Variants in SRPK2 observed in about 807,000 individuals in gnomAD.
SRPK2 encodes SRSF protein kinase 2.
SRPK2 carries 21 observed loss-of-function variants against 90.8 expected under a neutral mutation model. The ratio of observed to expected loss-of-function variants is 0.23; its 90% CI spans 0.16 to 0.33. The LOEUF (loss-of-function observed/expected upper bound fraction) is 0.33. Ranked by LOEUF, SRPK2 falls within the 10% of genes least tolerant of loss-of-function variation. SRPK2 has a pLI of 1.00. For missense variants in SRPK2, 620 were observed against 869.0 expected (o/e 0.71, Z 3.60); for synonymous variants, 288 against 311.1 (o/e 0.93, Z 0.78).
chr7:105,193,821 A>G (rs538352758), intron 3 of SRPK2, among the ~76,000 whole-genome samples: 111 of 152,372 alleles, frequency 7.3e-4, no homozygotes, highest in Non-Finnish European at 7.8e-4. Flanking sequence ...AAACCCTACA[A>G]TCCAGATGTA....
chr7:105,391,555 A>C (rs1345605780), upstream of SRPK2, among the ~76,000 whole-genome samples: 1 of 152,126 alleles, frequency 6.6e-6, no homozygotes, highest in East Asian at 1.9e-4. Flanking sequence ...TCACAAGTGT[A>C]ATCTCAGCAT....
At chr7:105,209,001 A>G (rs923940216) in intron 2 of SRPK2, among the ~76,000 whole-genome samples, 1 of 152,052 alleles carries the variant, frequency 6.6e-6, no homozygotes, top group South Asian at 2.1e-4. Context: ...GAAAACCCCA[A>G]TACAGCTATA....
intron 2 of SRPK2, chr7:105,244,869 A>G: frequency 7.9e-7 from 1 of 1,271,428 alleles, no homozygotes; most frequent in South Asian, 1.2e-5. Context: ...CCTCAAGTTC[A>G]TCAAGAAAAG....
chr7:105,367,999 T>C (rs1035732605), intron 2 of SRPK2, among the ~76,000 whole-genome samples: 1 of 152,126 alleles, frequency 6.6e-6, no homozygotes, highest in Non-Finnish European at 1.5e-5. Flanking sequence ...GATTTAAAAC[T>C]TAAGGAGAGT....
In SRPK2 at chr7:105,209,143, A is replaced by G. The variant is rs151279385; in HGVS notation, c.72-5358T>C. Among the ~76,000 whole-genome samples the G allele has an allele frequency of 3.1e-3, 477 of 152,358 alleles. 1 individual carries two copies. Among genetic ancestry groups the G allele is most frequent in the African/African-American group, 0.011 (450 of 41,588 alleles). On this transcript the variant is annotated intron_variant, in intron 2 of 15. Transcript: ENST00000393651. Reference sequence around the variant, plus strand: ...AAGCTCAGCTACATTCAGAGTGAAAATTAATCTGTAATTCTTTAAAAAGGA... The same window carrying G: ...AAGCTCAGCTACATTCAGAGTGAAAGTTAATCTGTAATTCTTTAAAAAGGA...
At chr7:105,160,182 A>C (rs1388705334) in intron 7 of SRPK2, 1 of 170,102 alleles carries the variant, frequency 5.9e-6, no homozygotes. Flanking sequence ...ATTACTTCCT[A>C]ATGAACTAAG....
intron 2 of SRPK2, among the ~76,000 whole-genome samples, chr7:105,315,209 T>C (rs1812184940): frequency 6.6e-6 from 1 of 152,202 alleles, no homozygotes; most frequent in African/African-American, 2.4e-5. Context: ...TTTTTCCATT[T>C]TATACTCTTC....
At chr7:105,258,609 G>A (rs999959618) in intron 2 of SRPK2, among the ~76,000 whole-genome samples, 4 of 152,072 alleles carry the variant, frequency 2.6e-5, no homozygotes, top group East Asian at 1.9e-4. Context: ...CAATATCCAC[G>A]ATGAACACTG....
intron 2 of SRPK2, among the ~76,000 whole-genome samples, chr7:105,304,687 T>A (rs1460642519): frequency 2.6e-5 from 4 of 152,190 alleles, no homozygotes; most frequent in African/African-American, 9.7e-5. Flanking sequence ...CTTAGATGAC[T>A]CAAAGAAAAA....
chr7:105,146,393 T>C (rs1007234421), intron 8 of SRPK2, 100 bp downstream of exon 8: 1 of 1,267,272 alleles, frequency 7.9e-7, no homozygotes, highest in South Asian at 1.7e-5. Context: ...TTCCAAAATC[T>C]TCCTTATGTG....
chr7:105,278,291 G>A (rs1449803106), intron 2 of SRPK2, among the ~76,000 whole-genome samples: 1 of 150,252 alleles, frequency 6.7e-6, no homozygotes, highest in African/African-American at 2.5e-5. Context: ...CTCCAGCCTG[G>A]GCGACACAGC....
chr7:105,262,505 C>T (rs1455078016), intron 2 of SRPK2, among the ~76,000 whole-genome samples: 3 of 152,174 alleles, frequency 2.0e-5, no homozygotes, highest in African/African-American at 7.2e-5. Flanking sequence ...AACCAAGCAT[C>T]TTCTTTATAT....
chr7:105,145,354 C>T (rs370437357), intron 8 of SRPK2, 46 bp from the exon 9 acceptor site: 1 of 1,437,908 alleles, frequency 7.0e-7, no homozygotes, highest in Non-Finnish European at 9.6e-7. Flanking sequence ...AAAACAGACA[C>T]ATGCCTTCAT....
In SRPK2 at chr7:105,157,099, G is replaced by T. The variant is rs574802161; in HGVS notation, c.621+3408C>A. Among the ~76,000 whole-genome samples the T allele has an allele frequency of 3.3e-5, 5 of 152,280 alleles. No individual in the cohort carries two copies. In the South Asian group the frequency reaches 1.0e-3, roughly 32 times the overall value. ...GGGAATTGGATGGGCTGTATGCACA[G>T]AGAGCCAAGAAAAGCCTGTGAAAAG... On this transcript the variant is annotated intron_variant, in intron 7 of 15. Coordinates refer to ENST00000393651, the MANE Select transcript of SRPK2 (RefSeq NM_182692.3).
intron 2 of SRPK2, among the ~76,000 whole-genome samples, chr7:105,288,185 A>G (rs886527121): frequency 3.9e-5 from 6 of 152,254 alleles, no homozygotes; most frequent in African/African-American, 1.4e-4. Context: ...TAAAGAGACT[A>G]GCGTTAAAAA....
At chr7:105,331,232 C>T (rs1036220609) in intron 2 of SRPK2, among the ~76,000 whole-genome samples, 1 of 134,758 alleles carries the variant, frequency 7.4e-6, no homozygotes, top group African/African-American at 2.8e-5. Context: ...TCACTTGAAC[C>T]TCGGAGGCAG....
intron 2 of SRPK2, among the ~76,000 whole-genome samples, chr7:105,324,675 T>C (rs1210620339): frequency 6.6e-6 from 1 of 152,032 alleles, no homozygotes; most frequent in Non-Finnish European, 1.5e-5. Flanking sequence ...TCACTTGAGG[T>C]CAGGAGTTTC....
chr7:105,121,229 C>T (rs1305662902), intron 15 of SRPK2, among the ~76,000 whole-genome samples: 1 of 151,888 alleles, frequency 6.6e-6, no homozygotes, highest in East Asian at 1.9e-4. Flanking sequence ...CCTGTAATCC[C>T]AGCTACTTGG....
intron 2 of SRPK2, among the ~76,000 whole-genome samples, chr7:105,311,811 C>A (rs899221501): frequency 6.6e-6 from 1 of 152,110 alleles, no homozygotes; most frequent in African/African-American, 2.4e-5. Context: ...GGTGGTTCCT[C>A]AAAAACTAAA....
Sources: gnomAD v4.1 joint callset for allele counts (sites outside exome capture counted in the v4.1 genomes callset) on GRCh38, gnomAD v4.1.1 for gene constraint, MANE v1.5 for transcripts, NCBI Gene and HGNC (gene_info 2026-07-23, HGNC 2026-07-21) for gene names.